The following LDB2 variants were observed in gnomAD, a reference collection of about 807,000 sequenced individuals.
LDB2 encodes LIM domain-binding protein 2.
Under a neutral mutation model 44.3 loss-of-function variants are expected in LDB2, and 12 were observed. The ratio of observed to expected loss-of-function variants is 0.27; its 90% CI spans 0.17 to 0.44. The LOEUF (loss-of-function observed/expected upper bound fraction) is 0.44. LDB2 is among the 20% of genes least tolerant of loss of function. The pLI is 1.00. For missense variants in LDB2, 344 were observed against 473.5 expected (o/e 0.73, Z 2.54); for synonymous variants, 164 against 174.8 (o/e 0.94, Z 0.49).
intron 1 of LDB2, among the ~76,000 whole-genome samples, chr4:16,848,975 C>A (rs1459824127): frequency 2.0e-5 from 3 of 152,172 alleles, no homozygotes; most frequent in Non-Finnish European, 4.4e-5. Flanking sequence ...TCAAATCACA[C>A]CACTCCCTTA....
At chr4:16,732,491 G>A (rs1456397238) in intron 2 of LDB2, among the ~76,000 whole-genome samples, 1 of 152,152 alleles carries the variant, frequency 6.6e-6, no homozygotes, top group Non-Finnish European at 1.5e-5. Flanking sequence ...AATCACAGTG[G>A]CTCAGTCTAC....
chr4:16,641,684 C>G (rs1191240726), intron 2 of LDB2, among the ~76,000 whole-genome samples: 1 of 152,136 alleles, frequency 6.6e-6, no homozygotes, highest in Non-Finnish European at 1.5e-5. Flanking sequence ...GAGGGACCCG[C>G]CCCCAAGACC....
chr4:16,886,357 T>C (rs2110477231), intron 1 of LDB2, among the ~76,000 whole-genome samples: 1 of 152,332 alleles, frequency 6.6e-6, no homozygotes, highest in South Asian at 2.1e-4. Flanking sequence ...CTCAAAATTA[T>C]ATTTTAAGAA....
chr4:16,730,443 T>C (rs1760499985), intron 2 of LDB2, among the ~76,000 whole-genome samples: 1 of 152,206 alleles, frequency 6.6e-6, no homozygotes, highest in Non-Finnish European at 1.5e-5. Context: ...AGTGAGTCAA[T>C]TAGGCATGAT....
chr4:16,708,027 G>A (rs140050175), intron 2 of LDB2, among the ~76,000 whole-genome samples: 60 of 152,176 alleles, frequency 3.9e-4, no homozygotes, highest in African/African-American at 1.0e-3. Context: ...GGATGGCTCC[G>A]GTAACATTTG....
At chr4:16,889,853 T>C (rs1312406684) in intron 1 of LDB2, among the ~76,000 whole-genome samples, 2 of 152,108 alleles carry the variant, frequency 1.3e-5, no homozygotes, top group Admixed American at 1.3e-4. Context: ...TAGAAAGTGA[T>C]TGGGGGTTAA....
intron 2 of LDB2, among the ~76,000 whole-genome samples, chr4:16,604,635 C>T (rs1171725305): frequency 6.6e-6 from 1 of 151,486 alleles, no homozygotes; most frequent in Non-Finnish European, 1.5e-5. Flanking sequence ...GTATCTAGGA[C>T]TAGGGGAAGT....
intron 2 of LDB2, among the ~76,000 whole-genome samples, chr4:16,624,672 T>C (rs1244640862): frequency 6.6e-6 from 1 of 152,230 alleles, no homozygotes; most frequent in Non-Finnish European, 1.5e-5. Context: ...TGTCTCTTAC[T>C]GTGTAGGACC....
chr4:16,797,013 C>A (rs1286918627), intron 1 of LDB2, among the ~76,000 whole-genome samples: 1 of 152,058 alleles, frequency 6.6e-6, no homozygotes, highest in African/African-American at 2.4e-5. Context: ...GCAGGGAAGC[C>A]TGAAAATATT....
At chr4:16,616,439 A>G (rs1421695242) in intron 2 of LDB2, among the ~76,000 whole-genome samples, 1 of 152,062 alleles carries the variant, frequency 6.6e-6, no homozygotes, top group Non-Finnish European at 1.5e-5. Context: ...AGAAGGAAAG[A>G]AGGGTCAATG....
At chr4:16,721,616 T>G (rs1407282463) in intron 2 of LDB2, among the ~76,000 whole-genome samples, 1 of 152,164 alleles carries the variant, frequency 6.6e-6, no homozygotes, top group African/African-American at 2.4e-5. Flanking sequence ...CACACAAATG[T>G]ATCCATAGGA....
intron 2 of LDB2, among the ~76,000 whole-genome samples, chr4:16,678,768 T>C (rs918305994): frequency 4.6e-5 from 7 of 152,206 alleles, no homozygotes; most frequent in Non-Finnish European, 8.8e-5. Context: ...GGTGTGTTAC[T>C]CCAGCTCATG....
At chr4:16,760,431 G>T (rs1000052430) in intron 1 of LDB2, among the ~76,000 whole-genome samples, 21 of 152,250 alleles carry the variant, frequency 1.4e-4, no homozygotes, top group Middle Eastern at 3.4e-3. Context: ...AAAAGAAGAA[G>T]CTCAGACAAA....
chr4:16,612,684 C>G (rs1011958708), intron 2 of LDB2, among the ~76,000 whole-genome samples: 4 of 152,128 alleles, frequency 2.6e-5, no homozygotes, highest in Non-Finnish European at 5.9e-5. Context: ...AGACCAATAA[C>G]AAGCTCTGAA....
At chr4:16,872,298 T>A (rs1363892632) in intron 1 of LDB2, among the ~76,000 whole-genome samples, 1 of 152,034 alleles carries the variant, frequency 6.6e-6, no homozygotes, top group Non-Finnish European at 1.5e-5. Flanking sequence ...CTTCATATTA[T>A]TTTTATTCTT....
At chr4:16,848,252 T>G (rs1384889151) in intron 1 of LDB2, among the ~76,000 whole-genome samples, 1 of 152,212 alleles carries the variant, frequency 6.6e-6, no homozygotes, top group Admixed American at 6.5e-5. Context: ...CATTCTAAAT[T>G]AAGGCTATGT....
chr4:16,508,312 G>A (rs907011822), intron 7 of LDB2, among the ~76,000 whole-genome samples: 34 of 152,146 alleles, frequency 2.2e-4, no homozygotes, highest in African/African-American at 6.5e-4. Context: ...ATTGCAGCAC[G>A]ACTCTTAATA....
intron 1 of LDB2, among the ~76,000 whole-genome samples, chr4:16,863,782 T>G (rs982581001): frequency 4.7e-5 from 7 of 149,714 alleles, no homozygotes; most frequent in Admixed American, 2.7e-4. Flanking sequence ...TGCCTCAGCC[T>G]TCCGAGTAGC....
At chr4:16,743,251 C>T (rs2109033309) in intron 2 of LDB2, among the ~76,000 whole-genome samples, 1 of 152,262 alleles carries the variant, frequency 6.6e-6, no homozygotes, top group African/African-American at 2.4e-5. Context: ...GATCGCACCA[C>T]TGCACTCTAG....
Sources: gnomAD v4.1 joint callset for allele counts (sites outside exome capture counted in the v4.1 genomes callset) on GRCh38, gnomAD v4.1.1 for gene constraint, MANE v1.5 for transcripts, NCBI Gene and HGNC (gene_info 2026-07-23, HGNC 2026-07-21) for gene names.